The following GRM7 variants were observed in gnomAD, a reference collection of about 807,000 sequenced individuals.
GRM7 encodes metabotropic glutamate receptor 7.
In GRM7, 35 loss-of-function variants were observed where a neutral mutation model predicts 84.5. That is an observed-to-expected ratio of 0.41 (90% CI 0.32 to 0.55). The LOEUF (loss-of-function observed/expected upper bound fraction) is 0.55, where lower values mean the gene tolerates loss of function less well. GRM7 is among the 20% of genes least tolerant of loss of function. GRM7 has a pLI of 0.19. For missense variants in GRM7, 1,003 were observed against 1,194.6 expected (o/e 0.84, Z 2.36); for synonymous variants, 487 against 455.1 (o/e 1.07, Z -0.89).
intron 7 of GRM7, among the ~76,000 whole-genome samples, chr3:7,499,569 C>A (rs542361319): frequency 6.6e-6 from 1 of 152,238 alleles, no homozygotes; most frequent in East Asian, 1.9e-4. Context: ...TTTATTCTCA[C>A]AAAATTCTCT....
intron 2 of GRM7, among the ~76,000 whole-genome samples, chr3:7,175,326 A>G (rs575538137): frequency 2.0e-5 from 3 of 152,312 alleles, no homozygotes; most frequent in African/African-American, 7.2e-5. Flanking sequence ...CCTTGATTTT[A>G]TAATATTTAA....
intron 2 of GRM7, among the ~76,000 whole-genome samples, chr3:7,297,525 G>T (rs1699854146): frequency 6.6e-6 from 1 of 152,098 alleles, no homozygotes; most frequent in Non-Finnish European, 1.5e-5. Context: ...TTTTAAAGAA[G>T]GACCACAGGT....
At chr3:7,446,512 G>C (rs1015743200) in intron 5 of GRM7, among the ~76,000 whole-genome samples, 1 of 140,302 alleles carries the variant, frequency 7.1e-6, no homozygotes, top group Admixed American at 7.5e-5. Flanking sequence ...CCAGGCTGAA[G>C]TGTAGTGGCG....
At chr3:7,502,070 G>T (rs6443111) in intron 7 of GRM7, among the ~76,000 whole-genome samples, 1 of 152,014 alleles carries the variant, frequency 6.6e-6, no homozygotes, top group African/African-American at 2.4e-5. Context: ...TGCCTGCTGC[G>T]TATAAATTTC....
intron 8 of GRM7, among the ~76,000 whole-genome samples, chr3:7,627,284 C>G (rs1353796904): frequency 2.0e-5 from 3 of 152,108 alleles, no homozygotes; most frequent in Non-Finnish European, 4.4e-5. Context: ...CATGCTCATG[C>G]CTTAGGTGGC....
In GRM7 at chr3:7,330,976, A is replaced by C. The variant is rs1171148164; in HGVS notation, c.1033+24324A>C. 2.0e-5 allele frequency among the ~76,000 whole-genome samples: 3 copies of C among 152,126 alleles called. No homozygotes were observed. The East Asian group carries it at 5.8e-4, about 29-fold the overall frequency. On this transcript the variant is annotated intron_variant, in intron 4 of 9. Transcript: ENST00000357716. ...CAGAGAGGCATCTCATGAACACCAC[A>C]TCATCTCACCCTGAGCCCCTGTAAG...
intron 1 of GRM7, among the ~76,000 whole-genome samples, chr3:7,097,549 A>G (rs893593278): frequency 1.3e-5 from 2 of 152,102 alleles, no homozygotes; most frequent in African/African-American, 4.8e-5. Context: ...CCACTAACAA[A>G]AGAATAATAT....
intron 8 of GRM7, among the ~76,000 whole-genome samples, chr3:7,645,260 G>A (rs1168570193): frequency 2.0e-5 from 3 of 151,954 alleles, no homozygotes; most frequent in Admixed American, 2.0e-4. Flanking sequence ...ATTTTCTACT[G>A]TCAGTTGGCT....
chr3:7,246,117 A>G (rs1697749350), intron 2 of GRM7, among the ~76,000 whole-genome samples: 1 of 152,142 alleles, frequency 6.6e-6, no homozygotes, highest in African/African-American at 2.4e-5. Flanking sequence ...TGAGAAGCTG[A>G]ACTTCATCTA....
In GRM7 at chr3:7,578,952, C is replaced by G. The variant is rs765787268; in HGVS notation, c.2046C>G (p.Arg682=). ...ALLTKTNRIY[R]IFEQGKKSVT... Reference sequence around the variant, plus strand: ...TGACGAAAACAAATCGGATTTATCGCATATTTGAGCAGGGCAAGAAATCAG... The same window carrying G: ...TGACGAAAACAAATCGGATTTATCGGATATTTGAGCAGGGCAAGAAATCAG... The change falls in exon 8 of 10, where the codon CGC becomes CGG. Residue 682 remains arginine (R), a synonymous_variant. Transcript: ENST00000357716. 6.2e-7 allele frequency: 1 copy of G among 1,613,990 alleles called. No individual in the cohort carries two copies. The highest frequency in any genetic ancestry group is 1.7e-5 in the Admixed American group (1 of 59,990).
At chr3:7,708,535 T>C (rs1412351645) in intron 9 of GRM7, among the ~76,000 whole-genome samples, 1 of 152,158 alleles carries the variant, frequency 6.6e-6, no homozygotes, top group East Asian at 1.9e-4. Context: ...CATGGTCTGT[T>C]GGACAACATA....
chr3:7,475,983 C>T (rs1449547269), intron 7 of GRM7, among the ~76,000 whole-genome samples: 1 of 152,046 alleles, frequency 6.6e-6, no homozygotes, highest in Non-Finnish European at 1.5e-5. Flanking sequence ...CTTTCTTTGC[C>T]TACATTTTAT....
At chr3:7,570,658 C>T (rs1282132113) in intron 7 of GRM7, among the ~76,000 whole-genome samples, 6 of 152,186 alleles carry the variant, frequency 3.9e-5, no homozygotes, top group African/African-American at 1.2e-4. Flanking sequence ...GTGGCTTTTC[C>T]ACACACACGA....
At chr3:7,622,356 G>A (rs959704956) in intron 8 of GRM7, among the ~76,000 whole-genome samples, 2 of 152,118 alleles carry the variant, frequency 1.3e-5, no homozygotes, top group African/African-American at 4.8e-5. Context: ...TGCCTTGGCT[G>A]TGAACAAATC....
At chr3:7,691,395 G>T (rs1700795453) in intron 9 of GRM7, 1 of 454,184 alleles carries the variant, frequency 2.2e-6, no homozygotes, top group Admixed American at 4.4e-5. Flanking sequence ...TCAAGAAAAA[G>T]AAAAACTGGA....
chr3:7,298,954 G>T (rs1375163073), intron 3 of GRM7, 129 bp downstream of exon 3: 2 of 801,146 alleles, frequency 2.5e-6, no homozygotes, highest in Non-Finnish European at 2.0e-6. Flanking sequence ...GGCGAAGTCT[G>T]TGCTTGCCTC....
intron 2 of GRM7, among the ~76,000 whole-genome samples, chr3:7,208,437 G>A (rs940328268): frequency 5.3e-5 from 8 of 152,064 alleles, no homozygotes; most frequent in Admixed American, 1.3e-4. Context: ...AAGTTATTTC[G>A]CTTCTCTCAG....
At chr3:7,156,410 C>A (rs963974956) in intron 2 of GRM7, among the ~76,000 whole-genome samples, 2 of 152,138 alleles carry the variant, frequency 1.3e-5, no homozygotes, top group South Asian at 4.1e-4. Context: ...CGAACAAATT[C>A]GCTTAGCCTT....
At chr3:7,656,128 C>A (rs552850644) in intron 8 of GRM7, among the ~76,000 whole-genome samples, 1 of 152,114 alleles carries the variant, frequency 6.6e-6, no homozygotes, top group Non-Finnish European at 1.5e-5. Flanking sequence ...GGGTATGTAT[C>A]TTTACTTCAG....
Sources: gnomAD v4.1 joint callset for allele counts (sites outside exome capture counted in the v4.1 genomes callset) on GRCh38, gnomAD v4.1.1 for gene constraint, MANE v1.5 for transcripts, NCBI Gene and HGNC (gene_info 2026-07-23, HGNC 2026-07-21) for gene names.